The following ANKRD27 variants were observed in gnomAD, a reference collection of about 807,000 sequenced individuals.
The protein encoded by ANKRD27 is ankyrin repeat domain-containing protein 27.
Under a neutral mutation model 129.7 loss-of-function variants are expected in ANKRD27, and 112 were observed. The ratio of observed to expected loss-of-function variants is 0.86; its 90% CI spans 0.74 to 1.01. ANKRD27 has a LOEUF of 1.01. Among genes scored for constraint, ANKRD27 ranks in the 50% least tolerant of loss-of-function variants. ANKRD27 has a pLI of 0.00. For missense variants in ANKRD27, 1,258 were observed against 1,300.5 expected, an observed-to-expected ratio of 0.97 and a Z score of 0.50; for synonymous variants, 516 against 511.2, an observed-to-expected ratio of 1.01 and a Z score of -0.13.
intron 1 of ANKRD27, among the ~76,000 whole-genome samples, chr19:32,663,842 G>A (rs897646606): frequency 6.6e-6 from 1 of 151,798 alleles, no homozygotes; most frequent in Non-Finnish European, 1.5e-5. Flanking sequence ...GGATCACGAG[G>A]TCAGGAGATC....
At chr19:32,599,843 A>C in intron 27 of ANKRD27, 67 bp from the exon 28 acceptor site, 1 of 1,564,004 alleles carries the variant, frequency 6.4e-7, no homozygotes, top group Non-Finnish European at 8.8e-7. Flanking sequence ...GTTGGCCACA[A>C]GGTGGCAGCA....
chr19:32,605,750 C>T, intron 24 of ANKRD27, 85 bp downstream of exon 24: 1 of 1,553,790 alleles, frequency 6.4e-7, no homozygotes, highest in Non-Finnish European at 8.7e-7. Flanking sequence ...CCTCTCCATC[C>T]CCAGTGCGCT....
At chr19:32,643,661 A>G in intron 5 of ANKRD27, 30 bp from the exon 6 acceptor site, 1 of 1,612,552 alleles carries the variant, frequency 6.2e-7, no homozygotes, top group Non-Finnish European at 8.5e-7. Flanking sequence ...GGGACAGGCC[A>G]CCCTTACCAG....
intron 22 of ANKRD27, among the ~76,000 whole-genome samples, chr19:32,612,044 C>T (rs1971843296): frequency 6.6e-6 from 1 of 152,176 alleles, no homozygotes. Flanking sequence ...CAGCCTAATT[C>T]TCTTAGTATG....
At chr19:32,642,291 A>T in intron 9 of ANKRD27, 146 bp from the exon 10 acceptor site, 2 of 759,026 alleles carry the variant, frequency 2.6e-6, no homozygotes, top group Non-Finnish European at 3.7e-6. Context: ...AAGTCATCTG[A>T]CTCAAGTCAG....
chr19:32,665,278 T>TA lies in ANKRD27; in HGVS notation c.-30-6234dup, dbSNP rs900947393. ...ATTAGGATTTTTATTGGACCCGCAC[T>TA]AAATTCATGAATTTTTTTTTTTTTT... On this transcript the variant is annotated intron_variant, in intron 1 of 28. Coordinates refer to ENST00000306065, the MANE Select transcript of ANKRD27 (RefSeq NM_032139.3). Among the ~76,000 whole-genome samples the TA allele has an allele frequency of 1.7e-4, 25 of 144,744 alleles. No homozygotes were observed. The Admixed American group carries it at 1.8e-3, about 11-fold the overall frequency. 95.0% of individuals were successfully genotyped at this position (144,744 alleles called of 152,430 possible).
At chr19:32,631,310 T>C (rs1441289801) in intron 13 of ANKRD27, 92 bp downstream of exon 13, 6 of 1,195,468 alleles carry the variant, frequency 5.0e-6, no homozygotes, top group Non-Finnish European at 7.4e-6. Context: ...TGAGCCACCA[T>C]GCCTGGCCAA....
chr19:32,609,107 C>CA (rs57945865), intron 22 of ANKRD27, among the ~76,000 whole-genome samples: 3 of 135,720 alleles, frequency 2.2e-5, no homozygotes, highest in East Asian at 2.2e-4. Context: ...ACTCCATCTC[C>CA]AAAAAAAAAA....
intron 1 of ANKRD27, 94 bp from the exon 2 acceptor site, chr19:32,659,139 C>CTTTTTT (rs35323163): frequency 1.9e-5 from 3 of 157,982 alleles, no homozygotes; most frequent in Non-Finnish European, 4.2e-5. Flanking sequence ...TTTTCTTTTT[C>CTTTTTT]TTTTTTTTTT....
chr19:32,629,844 CTTTTT>C (rs548494616), intron 13 of ANKRD27, among the ~76,000 whole-genome samples: 5,125 of 105,612 alleles, frequency 0.049, 129 homozygotes, highest in East Asian at 0.12. Flanking sequence ...CTCTTGTGTT[CTTTTT>C]TTTTTTTTTT....
At chr19:32,598,846 T>G (rs566642237) in intron 28 of ANKRD27, among the ~76,000 whole-genome samples, 101 of 152,298 alleles carry the variant, frequency 6.6e-4, no homozygotes, top group African/African-American at 2.3e-3. Context: ...CTAAAACAAT[T>G]TAGAACTTTT....
chr19:32,654,152 G>A (rs901600229), intron 2 of ANKRD27, among the ~76,000 whole-genome samples: 19 of 152,076 alleles, frequency 1.2e-4, no homozygotes, highest in African/African-American at 4.6e-4. Context: ...CGCCTGCCTC[G>A]GCCTCCCAAA....
At chr19:32,644,271 C>A in intron 5 of ANKRD27, 54 bp downstream of exon 5, 1 of 1,589,510 alleles carries the variant, frequency 6.3e-7, no homozygotes, top group Non-Finnish European at 8.6e-7. Flanking sequence ...CTCCCAGCAC[C>A]CTGCACTGAA....
chr19:32,633,133 C>T (rs1408834551), intron 12 of ANKRD27, among the ~76,000 whole-genome samples: 1 of 152,092 alleles, frequency 6.6e-6, no homozygotes, highest in Non-Finnish European at 1.5e-5. Flanking sequence ...ATTTAGACAG[C>T]AGTGATGAAG....
intron 13 of ANKRD27, among the ~76,000 whole-genome samples, chr19:32,629,106 A>G (rs1226708869): frequency 6.6e-6 from 1 of 152,160 alleles, no homozygotes; most frequent in Non-Finnish European, 1.5e-5. Flanking sequence ...TTTTTAGTAG[A>G]CACGGGGTTT....
Position 32,644,328 on chromosome 19 carries a change from G to A in ANKRD27, c.522C>T (p.His174=), listed in dbSNP as rs758829094. ...RECERKSLRH[H]IDSANALYTK... ...AGAGGACAGCACGGCTACTGACTATGTGGTGACGGAGGCTCTTTCTCTCGC... is the reference window on the plus strand; with the variant it reads ...AGAGGACAGCACGGCTACTGACTATATGGTGACGGAGGCTCTTTCTCTCGC... The change falls in exon 5 of 29, where the codon CAC becomes CAT. Residue 174 remains histidine (H), a synonymous_variant. Transcript: ENST00000306065. 1 of 1,612,458 alleles carries A rather than the reference G, an allele frequency of 6.2e-7. No homozygotes were observed. The highest frequency in any genetic ancestry group is 1.3e-5 in the African/African-American group (1 of 74,988).
intron 1 of ANKRD27, among the ~76,000 whole-genome samples, chr19:32,662,311 CAAAAAAAAAAAAA>C (rs34066529): frequency 1.3e-4 from 5 of 38,008 alleles, no homozygotes; most frequent in African/African-American, 2.2e-4. Context: ...ACTCAGTCTC[CAAAAAAAAAAAAA>C]AAAAAAAAAA....
rs1972029819 is a variant in ANKRD27, at chr19:32,622,598, A to G, written c.1651T>C (p.Tyr551His). The change falls in exon 18 of 29, where the codon TAC (tyrosine) becomes CAC (histidine). Residue 551 changes from tyrosine (Y) to histidine (H), a missense_variant. By Grantham distance (83) the Tyr-to-His change is moderately conservative (BLOSUM62 2). Transcript: ENST00000306065. ...HEDCVKALVY[Y>H]DVESCRLDIG... ...TCAAGTCTGCACGACTCCACGTCGTAGTAAACCAGAGCCTTCACACACTGC... is the reference window on the plus strand; with the variant it reads ...TCAAGTCTGCACGACTCCACGTCGTGGTAAACCAGAGCCTTCACACACTGC... 6 of 1,613,818 alleles carry G rather than the reference A, an allele frequency of 3.7e-6. No individual in the cohort carries two copies. In the Admixed American group the frequency reaches 1.0e-4, roughly 27 times the overall value.
intron 2 of ANKRD27, among the ~76,000 whole-genome samples, chr19:32,653,820 T>C (rs259243): frequency 0.76 from 115,558 of 151,318 alleles, 44,555 homozygotes; most frequent in African/African-American, 0.86. Context: ...CAGGGCCACA[T>C]GGAGATGAGG....
Sources: gnomAD v4.1 joint callset for allele counts (sites outside exome capture counted in the v4.1 genomes callset) on GRCh38, gnomAD v4.1.1 for gene constraint, MANE v1.5 for transcripts, NCBI Gene and HGNC (gene_info 2026-07-23, HGNC 2026-07-21) for gene names.